The following MIOS variants were observed in gnomAD, a reference collection of about 807,000 sequenced individuals.
MIOS encodes meiosis regulator for oocyte development.
MIOS carries 52 observed loss-of-function variants against 96.9 expected under a neutral mutation model. That is an observed-to-expected ratio of 0.54 (90% confidence interval 0.43 to 0.68). The LOEUF is 0.68. MIOS is among the 30% of genes least tolerant of loss of function. The pLI, the probability that MIOS is intolerant of heterozygous loss-of-function variation, is 0.00. For missense variants in MIOS, 1,005 were observed against 1,052.8 expected (o/e 0.95, Z 0.63); for synonymous variants, 397 against 359.5 (o/e 1.10, Z -1.18).
At chr7:7,580,694 CT>C (rs377207804) in intron 5 of MIOS, among the ~76,000 whole-genome samples, 71 of 129,930 alleles carry the variant, frequency 5.5e-4, no homozygotes, top group African/African-American at 1.1e-3. Flanking sequence ...ACTATTTTAC[CT>C]TTTTTTTTTT....
At chr7:7,605,737 C>A in intron 11 of MIOS, 1 of 422,078 alleles carries the variant, frequency 2.4e-6, no homozygotes, top group Non-Finnish European at 4.1e-6. Flanking sequence ...ATTTTTTTTT[C>A]CATTTTTATA....
intron 9 of MIOS, 39 bp from the exon 10 acceptor site, chr7:7,594,941 G>T (rs1784161226): frequency 1.3e-6 from 2 of 1,530,372 alleles, no homozygotes; most frequent in Admixed American, 3.9e-5. Context: ...CTAGCCAGGA[G>T]ATTTTAAACA....
At chr7:7,602,081 TAAG>T (rs1350256109) in intron 11 of MIOS, among the ~76,000 whole-genome samples, 2 of 152,144 alleles carry the variant, frequency 1.3e-5, no homozygotes, top group African/African-American at 4.8e-5. Context: ...CACGAAATAA[TAAG>T]AGCTATCTAT....
Position 7,595,054 on chromosome 7 carries a change from C to T in MIOS, c.2118C>T (p.Ala706=). 1.2e-6 allele frequency: 2 copies of T among 1,613,788 alleles called. No homozygotes were observed. Among genetic ancestry groups the T allele is most frequent in the Middle Eastern group, 1.7e-4 (1 of 6,060 alleles). The change falls in exon 10 of 13, where the codon GCC becomes GCT. Residue 706 remains alanine (A), a synonymous_variant. Coordinates refer to ENST00000340080, the MANE Select transcript of MIOS (RefSeq NM_019005.4). The stretch of plus-strand genomic sequence containing the variant: ...AGAATTATAGAAATTTATTAGATGC[C>T]TGGAGGTTTTGGCATAAACGAGCTG... The part of the protein sequence containing the change: ...WIENYRNLLD[A]WRFWHKRAEF...
At chr7:7,580,358 C>T (rs1337226013) in intron 5 of MIOS, among the ~76,000 whole-genome samples, 2 of 152,138 alleles carry the variant, frequency 1.3e-5, no homozygotes, top group Non-Finnish European at 1.5e-5. Context: ...CATGCTCCTT[C>T]TTTTTAGTGG....
intron 9 of MIOS, among the ~76,000 whole-genome samples, chr7:7,591,559 C>T (rs1196772142): frequency 6.6e-6 from 1 of 152,144 alleles, no homozygotes; most frequent in Non-Finnish European, 1.5e-5. Context: ...GGATTACAGG[C>T]ATGAGCCACC....
At chr7:7,604,928 C>A (rs1423781134) in intron 11 of MIOS, among the ~76,000 whole-genome samples, 1 of 151,990 alleles carries the variant, frequency 6.6e-6, no homozygotes, top group Non-Finnish European at 1.5e-5. Flanking sequence ...TTCCTTTTTG[C>A]CCTCTCATTA....
intron 9 of MIOS, among the ~76,000 whole-genome samples, chr7:7,590,859 T>C (rs528759672): frequency 5.3e-5 from 8 of 152,372 alleles, no homozygotes; most frequent in African/African-American, 1.9e-4. Context: ...CCCTTTCTTA[T>C]GTCACTCTGA....
chr7:7,570,118 T>C (rs184981377), intron 3 of MIOS, among the ~76,000 whole-genome samples: 2 of 152,292 alleles, frequency 1.3e-5, no homozygotes, highest in Admixed American at 1.3e-4. Flanking sequence ...AGGGGAAAGA[T>C]GAATAAAAGA....
intron 11 of MIOS, among the ~76,000 whole-genome samples, chr7:7,603,054 T>G (rs1784425603): frequency 6.6e-6 from 1 of 152,000 alleles, no homozygotes; most frequent in South Asian, 2.1e-4. Context: ...CCTTACACCT[T>G]ATACAAAAAT....
Position 7,603,057 on chromosome 7 carries a change from A to G in MIOS, c.2402-2885A>G, listed in dbSNP as rs1328128049. Among the ~76,000 whole-genome samples, 15 of 152,264 alleles carry G rather than the reference A, an allele frequency of 9.9e-5. No individual in the cohort carries two copies. The East Asian group carries it at 2.9e-3, about 29-fold the overall frequency. On this transcript the variant is annotated intron_variant, in intron 11 of 12. Transcript: ENST00000340080. ...ACTGGATCCCTTCCTTACACCTTATACAAAAATTAATTCAAGATGGATTAA... is the reference window on the plus strand; with the variant it reads ...ACTGGATCCCTTCCTTACACCTTATGCAAAAATTAATTCAAGATGGATTAA...
Position 7,574,715 on chromosome 7 carries a change from G to A in MIOS, c.1393+519G>A, listed in dbSNP as rs115621152. Among the ~76,000 whole-genome samples, 734 of 152,092 alleles carry A rather than the reference G, an allele frequency of 4.8e-3. 7 individuals are homozygous for A. The highest frequency in any genetic ancestry group is 0.017 in the African/African-American group (701 of 41,512). On this transcript the variant is annotated intron_variant, in intron 5 of 12. Coordinates refer to ENST00000340080, the MANE Select transcript of MIOS (RefSeq NM_019005.4). Reference sequence around the variant, plus strand: ...TTAATTAGTGAATGAATTAATTAACGTGTGAGTTAATGTAGGATTGAAAAT... The same window carrying A: ...TTAATTAGTGAATGAATTAATTAACATGTGAGTTAATGTAGGATTGAAAAT...
intron 11 of MIOS, 145 bp from the exon 12 acceptor site, chr7:7,605,797 C>G (rs1294136371): frequency 1.4e-6 from 1 of 740,088 alleles, no homozygotes; most frequent in Non-Finnish European, 2.0e-6. Context: ...TTCGCTTCAT[C>G]TAAACTAGAA....
intron 9 of MIOS, among the ~76,000 whole-genome samples, chr7:7,593,879 C>CAAAAAAAAAAAAAAAA (rs35986278): frequency 4.2e-4 from 20 of 47,838 alleles, no homozygotes; most frequent in Admixed American, 8.9e-4. Flanking sequence ...ACTCTGTCTC[C>CAAAAAAAAAAAAAAAA]AAAAAAAAAA....
chr7:7,567,250 G>C (rs1425719955), intron 1 of MIOS, 178 bp downstream of exon 1: 1 of 152,260 alleles, frequency 6.6e-6, no homozygotes, highest in African/African-American at 2.4e-5. Flanking sequence ...GAGCCACCGG[G>C]GGCTGCGGGC....
At chr7:7,584,200 AAAG>A (rs1245246291) in intron 6 of MIOS, among the ~76,000 whole-genome samples, 4 of 152,090 alleles carry the variant, frequency 2.6e-5, no homozygotes, top group Non-Finnish European at 5.9e-5. Context: ...AAAAGTTAAA[AAAG>A]TCAATGTTTT....
intron 11 of MIOS, among the ~76,000 whole-genome samples, chr7:7,602,888 C>T (rs745774203): frequency 8.1e-4 from 124 of 152,188 alleles, no homozygotes; most frequent in Non-Finnish European, 1.4e-3. Flanking sequence ...ACCAATGGAA[C>T]GGAACAGAGC....
intron 3 of MIOS, among the ~76,000 whole-genome samples, chr7:7,571,945 G>A (rs1783368748): frequency 6.6e-6 from 1 of 152,166 alleles, no homozygotes; most frequent in Non-Finnish European, 1.5e-5. Flanking sequence ...CACATTTCTA[G>A]TGCTCAGTAG....
At position 7,606,981 on chromosome 7, in the gene MIOS, G is replaced by A. The variant is rs1187831253; in HGVS notation, c.2532-15G>A. 6.3e-7 allele frequency: 1 copy of A among 1,583,338 alleles called. No individual in the cohort carries two copies. Among genetic ancestry groups the A allele is most frequent in the East Asian group, 2.2e-5 (1 of 44,502 alleles). On this transcript the variant is annotated splice_polypyrimidine_tract_variant and intron_variant, in intron 12 of 12. Coordinates refer to ENST00000340080, the MANE Select transcript of MIOS (RefSeq NM_019005.4). Reference sequence around the variant, plus strand: ...TAATTTGGATTTTTAACTGTTATTTGACCTATTTTTTTAGGGACCATGCAG... The same window carrying A: ...TAATTTGGATTTTTAACTGTTATTTAACCTATTTTTTTAGGGACCATGCAG...
Sources: allele counts gnomAD v4.1 joint callset (sites outside exome capture counted in the v4.1 genomes callset), GRCh38; gene constraint gnomAD v4.1.1; transcripts MANE v1.5; gene names NCBI Gene and HGNC (gene_info 2026-07-23, HGNC 2026-07-21).